Variants in CLN8 observed in about 807,000 individuals in gnomAD.
CLN8 encodes the protein protein CLN8.
CLN8 carries 14 observed loss-of-function variants against 15.7 expected under a neutral mutation model. The ratio of observed to expected loss-of-function variants is 0.89; its 90% CI spans 0.59 to 1.39. The LOEUF is 1.39. Ranked by LOEUF, CLN8 falls within the 40% of genes most tolerant of loss-of-function variation. The probability of loss-of-function intolerance (pLI) is 0.00; values close to 1 mark genes in which losing one functional copy is unlikely to be tolerated. For missense variants in CLN8, 415 were observed against 364.0 expected, an observed-to-expected ratio of 1.14 and a Z score of -1.14; for synonymous variants, 188 against 151.0, an observed-to-expected ratio of 1.25 and a Z score of -1.80.
chr8:1,776,695 C>G (rs537895546), intron 2 of CLN8, among the ~76,000 whole-genome samples: 3 of 152,348 alleles, frequency 2.0e-5, no homozygotes, highest in South Asian at 4.1e-4. Context: ...TGATAACTAG[C>G]AAAGGAAAAC....
chr8:1,772,289 T>C (rs1219692112), intron 2 of CLN8, among the ~76,000 whole-genome samples: 1 of 152,134 alleles, frequency 6.6e-6, no homozygotes, highest in Non-Finnish European at 1.5e-5. Flanking sequence ...ACACATACCT[T>C]GCTTGCTTTT....
upstream of CLN8, among the ~76,000 whole-genome samples, chr8:1,761,689 G>T (rs958664089): frequency 3.9e-5 from 6 of 152,184 alleles, no homozygotes; most frequent in African/African-American, 1.4e-4. Flanking sequence ...GAGCACTGAG[G>T]GGTCAGATCA....
chr8:1,765,425 A>C (rs1801012641), intron 1 of CLN8, among the ~76,000 whole-genome samples: 1 of 152,138 alleles, frequency 6.6e-6, no homozygotes, highest in African/African-American at 2.4e-5. Context: ...AGGATTGTAA[A>C]TTTTTATTTT....
chr8:1,776,905 T>C lies in CLN8; in HGVS notation c.544-3345T>C, dbSNP rs1396170399. Among the ~76,000 whole-genome samples, 12 of 152,196 alleles carry C rather than the reference T, an allele frequency of 7.9e-5. 1 individual carries two copies. In the East Asian group the frequency reaches 2.3e-3, roughly 29 times the overall value. On this transcript the variant is annotated intron_variant, in intron 2 of 2. Transcript: ENST00000331222. ...TGAGTTTGTCCACGCAGCAGAAGGG[T>C]GGGCAGCAGTCTGGATGGTTTACAC...
At chr8:1,757,316 A>G (rs1384802159) in intron 1 of CLN8, among the ~76,000 whole-genome samples, 1 of 152,108 alleles carries the variant, frequency 6.6e-6, no homozygotes, top group Non-Finnish European at 1.5e-5. Flanking sequence ...CAACCCAAAA[A>G]CGTCTCCAGA....
intron 1 of CLN8, among the ~76,000 whole-genome samples, chr8:1,766,769 C>T (rs1207845082): frequency 6.6e-6 from 1 of 152,204 alleles, no homozygotes; most frequent in East Asian, 1.9e-4. Flanking sequence ...CTTCATGTGG[C>T]CTGAGCCTTA....
chr8:1,758,509 C>G (rs7846610), intron 1 of CLN8: 1 of 152,044 alleles, frequency 6.6e-6, no homozygotes, highest in Admixed American at 6.6e-5. Flanking sequence ...AAGGGCAAGA[C>G]GATCCCCTGC....
At chr8:1,768,992 C>G (rs1225808952) in intron 1 of CLN8, among the ~76,000 whole-genome samples, 1 of 152,196 alleles carries the variant, frequency 6.6e-6, no homozygotes, top group Non-Finnish European at 1.5e-5. Flanking sequence ...TATCAGAGAG[C>G]ACGCCTGTGT....
intron 2 of CLN8, among the ~76,000 whole-genome samples, chr8:1,772,394 G>C (rs748820281): frequency 6.6e-6 from 1 of 152,124 alleles, no homozygotes; most frequent in Non-Finnish European, 1.5e-5. Context: ...TGAAGAACAT[G>C]TTTTAAAAAT....
At chr8:1,770,783 G>T in intron 1 of CLN8, 149 bp from the exon 2 acceptor site, 1 of 568,218 alleles carries the variant, frequency 1.8e-6, no homozygotes, top group Non-Finnish European at 3.1e-6. Context: ...GTCAGTGGAT[G>T]TTACCTTGGT....
At position 1,780,405 on chromosome 8, in the gene CLN8, G is replaced by T; in HGVS notation, c.699G>T (p.Leu233=). The stretch of plus-strand genomic sequence containing the variant: ...GCCTGTATCTGCCTCATTTGACACT[G>T]TTCCTTGTCGGACTGGCTCTGCTTA... ...VSSLYLPHLT[L]FLVGLALLTL... is the part of the protein sequence containing the mutation. The change falls in exon 3 of 3, where the codon CTG becomes CTT. Residue 233 remains leucine (L), a synonymous_variant. Transcript: ENST00000331222. The T allele has an allele frequency of 1.2e-6, 2 of 1,614,248 alleles. No individual in the cohort carries two copies. Among genetic ancestry groups the T allele is most frequent in the Non-Finnish European group, 1.7e-6 (2 of 1,180,048 alleles).
upstream of CLN8, chr8:1,763,306 C>G (rs1467239953): frequency 6.7e-6 from 1 of 149,844 alleles, no homozygotes; most frequent in Non-Finnish European, 1.5e-5. Flanking sequence ...GCCCCCATGC[C>G]GCCGCCCGCC....
intron 2 of CLN8, among the ~76,000 whole-genome samples, chr8:1,776,603 T>A (rs905620732): frequency 6.6e-6 from 1 of 152,258 alleles, no homozygotes; most frequent in Non-Finnish European, 1.5e-5. Context: ...TGCAGTCCAT[T>A]GCGTGGCAGA....
upstream of CLN8, among the ~76,000 whole-genome samples, chr8:1,753,802 C>T (rs1171911483): frequency 6.6e-6 from 1 of 151,470 alleles, no homozygotes; most frequent in South Asian, 2.1e-4. Context: ...AGGAGAATTG[C>T]TTGAACCCGG....
At chr8:1,776,453 CAT>C (rs1801520596) in intron 2 of CLN8, among the ~76,000 whole-genome samples, 1 of 147,482 alleles carries the variant, frequency 6.8e-6, no homozygotes, top group South Asian at 2.2e-4. Flanking sequence ...AATATACACA[CAT>C]GATGATAGAA....
chr8:1,771,216 T>C lies in CLN8; in HGVS notation c.162T>C (p.Arg54=). 1 of 1,613,950 alleles carries C rather than the reference T, an allele frequency of 6.2e-7. No individual in the cohort carries two copies. The highest frequency in any genetic ancestry group is 8.5e-7 in the Non-Finnish European group (1 of 1,179,930). ...QLSSSLNATY[R]SLVAREKVFW... ...CCTCTTCCCTGAATGCCACTTACCG[T>C]TCTTTGGTGGCCAGAGAGAAGGTCT... The change falls in exon 2 of 3, where the codon CGT becomes CGC. Residue 54 remains arginine (R), a synonymous_variant. Transcript: ENST00000331222.
At chr8:1,777,389 A>G (rs569737477) in intron 2 of CLN8, among the ~76,000 whole-genome samples, 64 of 152,298 alleles carry the variant, frequency 4.2e-4, no homozygotes, top group African/African-American at 1.5e-3. Context: ...GTACTCTCCT[A>G]TAGACTTTAT....
At chr8:1,770,784 T>A in intron 1 of CLN8, 148 bp from the exon 2 acceptor site, 1 of 569,734 alleles carries the variant, frequency 1.8e-6, no homozygotes. Context: ...TCAGTGGATG[T>A]TACCTTGGTA....
chr8:1,767,068 C>A (rs1801092416), intron 1 of CLN8, among the ~76,000 whole-genome samples: 1 of 152,206 alleles, frequency 6.6e-6, no homozygotes, highest in African/African-American at 2.4e-5. Flanking sequence ...CTGGATCCTG[C>A]CTCTGGGACT....
Sources: gnomAD v4.1 joint callset for allele counts (sites outside exome capture counted in the v4.1 genomes callset) on GRCh38, gnomAD v4.1.1 for gene constraint, MANE v1.5 for transcripts, NCBI Gene and HGNC (gene_info 2026-07-23, HGNC 2026-07-21) for gene names.